Variants in UNC5C observed in about 807,000 individuals in gnomAD.
UNC5C encodes unc-5 netrin receptor C.
A neutral mutation model predicts 99.8 loss-of-function variants in UNC5C; 47 were observed. The observed-to-expected ratio is 0.47, with a 90% CI of 0.37 to 0.60. UNC5C has a LOEUF of 0.60. Ranked by LOEUF, UNC5C falls within the 20% of genes least tolerant of loss-of-function variation. UNC5C has a pLI of 0.00. For synonymous variants in UNC5C, 487 were observed against 452.2 expected, an observed-to-expected ratio of 1.08 and a Z score of -0.98; for missense variants, 1,062 against 1,165.9, an observed-to-expected ratio of 0.91 and a Z score of 1.30.
chr4:95,256,454 A>G (rs958194876), intron 4 of UNC5C, among the ~76,000 whole-genome samples: 1 of 151,852 alleles, frequency 6.6e-6, no homozygotes, highest in Non-Finnish European at 1.5e-5. Flanking sequence ...TAGCCCATTC[A>G]ATGTTAGAGC....
In UNC5C at chr4:95,243,662, A is replaced by G. The variant is rs1361585960; in HGVS notation, c.944-1069T>C. On this transcript the variant is annotated intron_variant, in intron 6 of 15. Coordinates refer to ENST00000453304, the MANE Select transcript of UNC5C (RefSeq NM_003728.4). ...ATCTAAGTGATTTCATATTCAAATT[A>G]TTATGTAAATATATTGTGTATAATG... Among the ~76,000 whole-genome samples, 5 of 152,238 alleles carry G rather than the reference A, an allele frequency of 3.3e-5. No individual in the cohort carries two copies. The South Asian group carries it at 1.0e-3, about 31-fold the overall frequency.
intron 1 of UNC5C, among the ~76,000 whole-genome samples, chr4:95,417,041 G>T (rs145609156): frequency 1.3e-5 from 2 of 152,246 alleles, no homozygotes; most frequent in African/African-American, 4.8e-5. Flanking sequence ...AGAAAAGGGG[G>T]CCAAGGAACA....
chr4:95,333,349 A>G (rs1560790814), intron 2 of UNC5C, among the ~76,000 whole-genome samples: 1 of 152,210 alleles, frequency 6.6e-6, no homozygotes, highest in Non-Finnish European at 1.5e-5. Flanking sequence ...AGATTGGATT[A>G]AGAAAATGTG....
intron 1 of UNC5C, among the ~76,000 whole-genome samples, chr4:95,352,095 C>T (rs570688628): frequency 1.3e-5 from 2 of 152,258 alleles, no homozygotes; most frequent in Admixed American, 6.5e-5. Context: ...CAGATCATGT[C>T]ACATACACAA....
intron 1 of UNC5C, among the ~76,000 whole-genome samples, chr4:95,463,884 G>A (rs1747689310): frequency 6.6e-6 from 1 of 152,068 alleles, no homozygotes; most frequent in Admixed American, 6.5e-5. Context: ...AACACAAAGA[G>A]GTTTCTGTCC....
In UNC5C at chr4:95,542,863, A is replaced by C. The variant is rs1426811385; in HGVS notation, c.124+5871T>G. Among the ~76,000 whole-genome samples, 3 of 152,150 alleles carry C rather than the reference A, an allele frequency of 2.0e-5. No individual in the cohort carries two copies. In the East Asian group the frequency reaches 5.8e-4, roughly 29 times the overall value. On this transcript the variant is annotated intron_variant, in intron 1 of 15. Transcript: ENST00000453304. Reference sequence around the variant, plus strand: ...TGTTAGCTCATAAAAGTGTTCCTATAAAATGTTTTTATTAAAATCTCTGTA... The same window carrying C: ...TGTTAGCTCATAAAAGTGTTCCTATCAAATGTTTTTATTAAAATCTCTGTA...
chr4:95,467,898 G>A (rs911903255), intron 1 of UNC5C, among the ~76,000 whole-genome samples: 1 of 152,050 alleles, frequency 6.6e-6, no homozygotes, highest in African/African-American at 2.4e-5. Context: ...ATTATTAAGA[G>A]CATCATAAGG....
chr4:95,485,696 G>A (rs1351330645), intron 1 of UNC5C, among the ~76,000 whole-genome samples: 1 of 151,650 alleles, frequency 6.6e-6, no homozygotes, highest in Non-Finnish European at 1.5e-5. Context: ...ATTCTTAAAG[G>A]TGAAAAGAGA....
At chr4:95,382,548 G>C (rs143264321) in intron 1 of UNC5C, among the ~76,000 whole-genome samples, 39 of 151,858 alleles carry the variant, frequency 2.6e-4, no homozygotes, top group Middle Eastern at 6.8e-3. Flanking sequence ...CAATAGCTTA[G>C]CTTTTAATCA....
At chr4:95,261,650 T>A (rs955640508) in intron 4 of UNC5C, among the ~76,000 whole-genome samples, 1 of 151,828 alleles carries the variant, frequency 6.6e-6, no homozygotes, top group East Asian at 1.9e-4. Context: ...CTAAGAGATA[T>A]ACAAACAAAA....
At position 95,251,778 on chromosome 4, in the gene UNC5C, T is replaced by C. The variant is rs368427152; in HGVS notation, c.595-1111A>G. 8.5e-5 allele frequency among the ~76,000 whole-genome samples: 13 copies of C among 152,278 alleles called. No individual in the cohort carries two copies. In the East Asian group the frequency reaches 2.1e-3, roughly 25 times the overall value. ...ACGTCTAGAAATTAATCTCTAAATC[T>C]GTCAGTGGGTTTGACATTGCACAAC... On this transcript the variant is annotated intron_variant, in intron 4 of 15. Coordinates refer to ENST00000453304, the MANE Select transcript of UNC5C (RefSeq NM_003728.4).
intron 1 of UNC5C, among the ~76,000 whole-genome samples, chr4:95,367,595 C>A (rs756693631): frequency 6.6e-6 from 1 of 151,904 alleles, no homozygotes; most frequent in Admixed American, 6.6e-5. Flanking sequence ...AATGTGATCA[C>A]CTCTTCTCTA....
intron 1 of UNC5C, among the ~76,000 whole-genome samples, chr4:95,398,339 C>A (rs974396032): frequency 2.6e-5 from 4 of 151,984 alleles, no homozygotes; most frequent in Admixed American, 1.3e-4. Context: ...TGATCCTGAC[C>A]CCAGTGCTCC....
intron 14 of UNC5C, among the ~76,000 whole-genome samples, chr4:95,181,722 C>G (rs767832946): frequency 6.6e-6 from 1 of 152,026 alleles, no homozygotes; most frequent in Non-Finnish European, 1.5e-5. Flanking sequence ...TCAAAAGTCT[C>G]ATGAAACTAC....
intron 12 of UNC5C, among the ~76,000 whole-genome samples, chr4:95,202,153 A>G (rs977404980): frequency 6.6e-6 from 1 of 152,170 alleles, no homozygotes; most frequent in Non-Finnish European, 1.5e-5. Context: ...CAACCTTGGC[A>G]TACTTCTTTT....
At chr4:95,334,010 C>T (rs574741171) in intron 2 of UNC5C, among the ~76,000 whole-genome samples, 47 of 151,950 alleles carry the variant, frequency 3.1e-4, no homozygotes, top group Middle Eastern at 6.8e-3. Context: ...AATTGGATAC[C>T]CAGTTATATC....
At chr4:95,480,949 A>G (rs1416018458) in intron 1 of UNC5C, among the ~76,000 whole-genome samples, 2 of 151,140 alleles carry the variant, frequency 1.3e-5, no homozygotes, top group Non-Finnish European at 1.5e-5. Flanking sequence ...AAACTGGCAC[A>G]AGACAGGGAT....
chr4:95,211,918 C>T (rs1038720671), intron 10 of UNC5C, among the ~76,000 whole-genome samples: 7 of 152,140 alleles, frequency 4.6e-5, no homozygotes, highest in African/African-American at 1.7e-4. Flanking sequence ...CACTAACTCC[C>T]ACTGTTAGCC....
intron 1 of UNC5C, among the ~76,000 whole-genome samples, chr4:95,496,502 C>T (rs1287573200): frequency 1.3e-5 from 2 of 151,628 alleles, no homozygotes; most frequent in African/African-American, 4.8e-5. Context: ...TAAGCTTTAA[C>T]CTTAAAATAT....
Sources: gnomAD v4.1 joint callset for allele counts (sites outside exome capture counted in the v4.1 genomes callset) on GRCh38, gnomAD v4.1.1 for gene constraint, MANE v1.5 for transcripts, NCBI Gene and HGNC (gene_info 2026-07-23, HGNC 2026-07-21) for gene names.